ELP4: variants seen among roughly 807,000 people sequenced by gnomAD.
ELP4 encodes elongator complex protein 4.
ELP4 carries 51 observed loss-of-function variants against 48.9 expected under a neutral mutation model. That is an observed-to-expected ratio of 1.04 (90% CI 0.83 to 1.32). The LOEUF (loss-of-function observed/expected upper bound fraction) is 1.32. Ranked by LOEUF, ELP4 falls within the 40% of genes most tolerant of loss-of-function variation. ELP4 has a pLI of 0.00. For missense variants in ELP4, 519 were observed against 514.6 expected (o/e 1.01, Z -0.08); for synonymous variants, 210 against 189.2 (o/e 1.11, Z -0.90).
chr11:31,600,992 A>G (rs1209746937), intron 4 of ELP4, among the ~76,000 whole-genome samples: 1 of 152,150 alleles, frequency 6.6e-6, no homozygotes, highest in Non-Finnish European at 1.5e-5. Context: ...ACAGACGACA[A>G]AGTCAAAAGG....
chr11:31,654,587 C>G (rs866137807), intron 9 of ELP4: 1 of 151,662 alleles, frequency 6.6e-6, no homozygotes, highest in African/African-American at 2.4e-5. Context: ...TGCCATATAA[C>G]TTGGTACTAT....
intron 6 of ELP4, among the ~76,000 whole-genome samples, chr11:31,628,633 C>G (rs1944796779): frequency 6.6e-6 from 1 of 151,754 alleles, no homozygotes; most frequent in African/African-American, 2.4e-5. Context: ...GCTTTCTGAA[C>G]CAGAGATTCT....
intron 9 of ELP4, among the ~76,000 whole-genome samples, chr11:31,722,681 CT>C (rs1946991494): frequency 7.5e-6 from 1 of 133,962 alleles, no homozygotes; most frequent in Non-Finnish European, 1.5e-5. Flanking sequence ...CTCTCTCTCT[CT>C]CTCTCTCTCT....
intron 9 of ELP4, among the ~76,000 whole-genome samples, chr11:31,684,435 G>C (rs1389958416): frequency 6.6e-6 from 1 of 152,142 alleles, no homozygotes; most frequent in Non-Finnish European, 1.5e-5. Flanking sequence ...TCGAACTCCT[G>C]ACCTCAAGTG....
intron 5 of ELP4, among the ~76,000 whole-genome samples, chr11:31,619,602 T>C (rs1944571981): frequency 1.3e-5 from 2 of 151,776 alleles, no homozygotes; most frequent in Admixed American, 1.3e-4. Flanking sequence ...TAATCTAATT[T>C]ATGAGTGCTC....
intron 2 of ELP4, among the ~76,000 whole-genome samples, chr11:31,520,675 A>G (rs925216719): frequency 1.3e-5 from 2 of 152,084 alleles, no homozygotes; most frequent in Non-Finnish European, 2.9e-5. Flanking sequence ...TAATTCATGT[A>G]TCTGTAACAT....
intron 3 of ELP4, among the ~76,000 whole-genome samples, chr11:31,581,617 A>G (rs1297481651): frequency 6.6e-6 from 1 of 152,036 alleles, no homozygotes; most frequent in Non-Finnish European, 1.5e-5. Flanking sequence ...TCAGAATTAT[A>G]TGCCTTGTTG....
At chr11:31,697,057 A>G (rs1946424385) in intron 9 of ELP4, among the ~76,000 whole-genome samples, 2 of 152,100 alleles carry the variant, frequency 1.3e-5, no homozygotes, top group Admixed American at 6.6e-5. Flanking sequence ...ATCAAAAGAG[A>G]CAAAGAAGGC....
At chr11:31,539,582 T>C in intron 2 of ELP4, 80 bp from the exon 3 acceptor site, 4 of 1,405,406 alleles carry the variant, frequency 2.8e-6, no homozygotes, top group Non-Finnish European at 3.8e-6. Context: ...TATAAAAACA[T>C]ATGAGTGTGC....
At chr11:31,719,369 A>G (rs546553961) in intron 9 of ELP4, 14 of 394,674 alleles carry the variant, frequency 3.5e-5, no homozygotes, top group South Asian at 1.4e-4. Flanking sequence ...TTTTTGTGGA[A>G]TGGTTATAGA....
chr11:31,644,506 C>G (rs1207928188), intron 7 of ELP4, among the ~76,000 whole-genome samples: 1 of 151,742 alleles, frequency 6.6e-6, no homozygotes, highest in East Asian at 1.9e-4. Flanking sequence ...AAGGCCTCTG[C>G]TCAGATCATT....
chr11:31,568,588 C>G (rs938681434), intron 3 of ELP4, among the ~76,000 whole-genome samples: 1 of 152,026 alleles, frequency 6.6e-6, no homozygotes, highest in Non-Finnish European at 1.5e-5. Flanking sequence ...GATATAAAGA[C>G]CAATGGAACA....
intron 9 of ELP4, among the ~76,000 whole-genome samples, chr11:31,666,503 C>A (rs1945679476): frequency 6.6e-6 from 1 of 151,886 alleles, no homozygotes; most frequent in Non-Finnish European, 1.5e-5. Context: ...ACGATTCTGG[C>A]CAACATGGTG....
intron 9 of ELP4, among the ~76,000 whole-genome samples, chr11:31,762,828 T>C (rs921354152): frequency 6.6e-6 from 1 of 151,622 alleles, no homozygotes; most frequent in African/African-American, 2.4e-5. Context: ...TAAGTGTGCT[T>C]ATTGGAATTT....
intron 9 of ELP4, among the ~76,000 whole-genome samples, chr11:31,735,623 A>G (rs992970714): frequency 9.2e-5 from 14 of 152,198 alleles, no homozygotes; most frequent in Admixed American, 9.2e-4. Context: ...CAACTTCAGC[A>G]AAGTCTCAGG....
chr11:31,549,926 A>C (rs2133925744), intron 3 of ELP4, among the ~76,000 whole-genome samples: 1 of 152,300 alleles, frequency 6.6e-6, no homozygotes, highest in African/African-American at 2.4e-5. Flanking sequence ...CATAGGTGGG[A>C]ATTGAACAAT....
At chr11:31,607,940 C>T (rs544336986) in intron 5 of ELP4, among the ~76,000 whole-genome samples, 1 of 151,774 alleles carries the variant, frequency 6.6e-6, no homozygotes, top group South Asian at 2.1e-4. Context: ...TGGAGACCTC[C>T]TTTTTTTTGC....
intron 9 of ELP4, among the ~76,000 whole-genome samples, chr11:31,735,647 G>T (rs1410914134): frequency 6.6e-6 from 1 of 152,086 alleles, no homozygotes; most frequent in African/African-American, 2.4e-5. Context: ...CAAAATCAAT[G>T]TACAAAAATC....
intron 7 of ELP4, among the ~76,000 whole-genome samples, chr11:31,642,000 GT>G (rs1332445763): frequency 1.3e-5 from 2 of 151,870 alleles, no homozygotes; most frequent in Non-Finnish European, 2.9e-5. Context: ...GATTTAGGAA[GT>G]TTCCCATAAA....
Sources: gnomAD v4.1 joint callset for allele counts (sites outside exome capture counted in the v4.1 genomes callset) on GRCh38, gnomAD v4.1.1 for gene constraint, MANE v1.5 for transcripts, NCBI Gene and HGNC (gene_info 2026-07-23, HGNC 2026-07-21) for gene names.